SMIM14: variants seen among roughly 807,000 people sequenced by gnomAD.
SMIM14 encodes small integral membrane protein 14.
Under a neutral mutation model 12.6 loss-of-function variants are expected in SMIM14, and 5 were observed. The observed-to-expected ratio is 0.40, with a 90% CI of 0.21 to 0.83. The LOEUF (loss-of-function observed/expected upper bound fraction) is 0.83, where lower values mean the gene tolerates loss of function less well. Ranked by LOEUF, SMIM14 falls within the 40% of genes least tolerant of loss-of-function variation. The probability of loss-of-function intolerance (pLI) is 0.37; values close to 1 mark genes in which losing one functional copy is unlikely to be tolerated. For missense variants in SMIM14, 86 were observed against 119.1 expected, an observed-to-expected ratio of 0.72 and a Z score of 1.29; for synonymous variants, 30 against 40.1, an observed-to-expected ratio of 0.75 and a Z score of 0.95.
intron 3 of SMIM14, among the ~76,000 whole-genome samples, chr4:39,572,213 C>T (rs944293742): frequency 4.0e-5 from 6 of 148,390 alleles, no homozygotes; most frequent in African/African-American, 1.5e-4. Flanking sequence ...AAATACATTA[C>T]TGAGAACCAT....
At chr4:39,619,596 AATTT>A (rs1282179034) in intron 1 of SMIM14, among the ~76,000 whole-genome samples, 5 of 87,616 alleles carry the variant, frequency 5.7e-5, no homozygotes, top group African/African-American at 2.4e-4. Flanking sequence ...CAATAAATAT[AATTT>A]ATTCTATATA....
Position 39,592,218 on chromosome 4 carries a change from TAGATAGATAGAC to T in SMIM14, c.75+12841_75+12852del, listed in dbSNP as rs1296015798. ...TTAAAATAAAAATAAAGGAAAAATA[TAGATAGATAGAC>T]AGATAGATAGATAGTCACAGAGATG... On this transcript the variant is annotated intron_variant, in intron 2 of 4. Coordinates refer to ENST00000295958, the MANE Select transcript of SMIM14 (RefSeq NM_174921.3). Among the ~76,000 whole-genome samples, 22 of 150,570 alleles carry T rather than the reference TAGATAGATAGAC, an allele frequency of 1.5e-4. No individual in the cohort carries two copies. The East Asian group carries it at 4.3e-3, about 29-fold the overall frequency.
At chr4:39,637,942 G>C (rs1716161679) in intron 1 of SMIM14, among the ~76,000 whole-genome samples, 1 of 152,174 alleles carries the variant, frequency 6.6e-6, no homozygotes, top group Admixed American at 6.5e-5. Context: ...CGATGCAAAA[G>C]TAACACATTC....
intron 2 of SMIM14, among the ~76,000 whole-genome samples, chr4:39,582,953 C>T (rs1272458247): frequency 1.3e-5 from 2 of 151,962 alleles, no homozygotes; most frequent in African/African-American, 2.4e-5. Flanking sequence ...CCATCACACC[C>T]GGCTAATTTT....
At chr4:39,573,148 T>C (rs959161189) in intron 2 of SMIM14, among the ~76,000 whole-genome samples, 2 of 151,936 alleles carry the variant, frequency 1.3e-5, no homozygotes, top group South Asian at 2.1e-4. Flanking sequence ...CAGGCTGGAG[T>C]GCAATGATGC....
At chr4:39,636,412 C>A (rs868513926) in intron 1 of SMIM14, among the ~76,000 whole-genome samples, 1 of 152,150 alleles carries the variant, frequency 6.6e-6, no homozygotes, top group Non-Finnish European at 1.5e-5. Flanking sequence ...CTTTGCCACA[C>A]AATGCATATT....
intron 1 of SMIM14, among the ~76,000 whole-genome samples, chr4:39,625,361 C>G (rs1382369313): frequency 6.6e-6 from 1 of 151,978 alleles, no homozygotes; most frequent in African/African-American, 2.4e-5. Context: ...TGAAATAAAC[C>G]CCATTACATG....
Position 39,558,964 on chromosome 4 carries a change from T to A in SMIM14, c.125-2394A>T, listed in dbSNP as rs1202055378. 2.0e-5 allele frequency among the ~76,000 whole-genome samples: 3 copies of A among 152,308 alleles called. No individual in the cohort carries two copies. The East Asian group carries it at 5.8e-4, about 29-fold the overall frequency. ...ACCTCGTGATCTGCCTGCTTCGGCC[T>A]CCCAAAGTGCTGGGATTACAGGCAT... is the stretch of plus-strand genomic sequence containing the variant. On this transcript the variant is annotated intron_variant, in intron 3 of 4. Transcript: ENST00000295958. The surrounding 1 kb of genome is among the most constrained non-coding windows in gnomAD (Gnocchi z 4.3).
chr4:39,628,129 A>C (rs926085331), intron 1 of SMIM14, among the ~76,000 whole-genome samples: 5 of 151,920 alleles, frequency 3.3e-5, no homozygotes, highest in Non-Finnish European at 7.4e-5. Context: ...CAACATGGTG[A>C]AACGCCGCCT....
intron 1 of SMIM14, among the ~76,000 whole-genome samples, chr4:39,633,238 GAGC>G: frequency 6.6e-6 from 1 of 152,030 alleles, no homozygotes; most frequent in African/African-American, 2.4e-5. Context: ...AGGTTACAGT[GAGC>G]CGAGATCACC....
intron 1 of SMIM14, among the ~76,000 whole-genome samples, chr4:39,621,613 A>C (rs1181998812): frequency 2.0e-5 from 3 of 152,104 alleles, no homozygotes; most frequent in Non-Finnish European, 4.4e-5. Flanking sequence ...AATGGGGATG[A>C]TCTAAATATC....
rs200190749 is a variant in SMIM14, at chr4:39,576,677, TATATATA to T, written c.76-4221_76-4215del. On this transcript the variant is annotated intron_variant, in intron 2 of 4. Transcript: ENST00000295958. ...GTGTATGTGTATATATATATATATA[TATATATA>T]TTTTTTTTTTTTTTTTTTTTTTTTT... Among the ~76,000 whole-genome samples, 238 of 34,534 alleles carry T rather than the reference TATATATA, an allele frequency of 6.9e-3. 1 individual carries two copies. Among genetic ancestry groups the T allele is most frequent in the African/African-American group, 0.022 (205 of 9,194 alleles). 22.7% of individuals were successfully genotyped at this position (34,534 alleles called of 152,430 possible). A position where few individuals can be genotyped will look rare whatever the true frequency, so the allele number is the denominator to read the frequency against.
At position 39,638,550 on chromosome 4, in the gene SMIM14, G is replaced by A. The variant is rs376506527; in HGVS notation, c.-36+189C>T. ...TTGCAGGCTCTTCGCGGGGGACGCG[G>A]GCTCGGCAGCAGCGGAGCTTCTCCC... On this transcript the variant is annotated intron_variant, in intron 1 of 4. Coordinates refer to ENST00000295958, the MANE Select transcript of SMIM14 (RefSeq NM_174921.3). 2.3e-4 allele frequency: 222 copies of A among 985,210 alleles called. 1 individual carries two copies. In the African/African-American group the frequency reaches 3.6e-3, roughly 16 times the overall value. The allele number at this position is 985,210 out of a possible 1,614,324, so 61.0% of individuals were successfully genotyped here.
At chr4:39,583,164 C>G (rs1312541975) in intron 2 of SMIM14, among the ~76,000 whole-genome samples, 1 of 152,124 alleles carries the variant, frequency 6.6e-6, no homozygotes, top group Non-Finnish European at 1.5e-5. Flanking sequence ...TCATGGCTCA[C>G]TGCAGCCTCG....
intron 2 of SMIM14, among the ~76,000 whole-genome samples, chr4:39,577,984 T>C (rs1008124625): frequency 2.0e-5 from 3 of 152,192 alleles, no homozygotes; most frequent in Non-Finnish European, 2.9e-5. Flanking sequence ...ACCACAACCA[T>C]ATTCCTAGTC....
rs1360708218 is a variant in SMIM14, at chr4:39,558,290, C to G, written c.125-1720G>C. ...ATTGCTTGAGCTCAGGAATTCGAGA[C>G]CAGCCTGGGCGATATGGTGAAACCC... On this transcript the variant is annotated intron_variant, in intron 3 of 4. Coordinates refer to ENST00000295958, the MANE Select transcript of SMIM14 (RefSeq NM_174921.3). This position sits in a 1 kb window ranked among gnomAD's most constrained non-coding sequence, Gnocchi z 4.3. 6.6e-6 allele frequency among the ~76,000 whole-genome samples: 1 copy of G among 152,188 alleles called. No individual in the cohort carries two copies. Among genetic ancestry groups the G allele is most frequent in the Non-Finnish European group, 1.5e-5 (1 of 68,038 alleles).
rs1351946858 is a variant in SMIM14 at position 39,558,899 on chromosome 4, G to A, written c.125-2329C>T. On this transcript the variant is annotated intron_variant, in intron 3 of 4. Transcript: ENST00000295958. The surrounding 1 kb of genome is among the most constrained non-coding windows in gnomAD (Gnocchi z 4.3). ...AACTTTTTGTATCTTTAGTAGAGAT[G>A]GGGTTTCACCATGTTGGCCAGGCTG... Among the ~76,000 whole-genome samples the A allele has an allele frequency of 6.6e-6, 1 of 151,994 alleles. No homozygotes were observed. Among genetic ancestry groups the A allele is most frequent in the African/African-American group, 2.4e-5 (1 of 41,372 alleles).
chr4:39,599,904 A>C (rs191676519), intron 2 of SMIM14, among the ~76,000 whole-genome samples: 221 of 151,002 alleles, frequency 1.5e-3, no homozygotes, highest in African/African-American at 5.2e-3. Flanking sequence ...CCTGAACAAC[A>C]GAGTGAGACT....
intron 3 of SMIM14, among the ~76,000 whole-genome samples, 186 bp downstream of exon 3, chr4:39,572,229 T>C (rs1712926968): frequency 6.6e-6 from 1 of 151,464 alleles, no homozygotes; most frequent in Non-Finnish European, 1.5e-5. Flanking sequence ...ACCATTTTCT[T>C]ATTAAAGAGC....
Sources: gnomAD v4.1 joint callset for allele counts (sites outside exome capture counted in the v4.1 genomes callset) on GRCh38, gnomAD v4.1.1 for gene constraint, Gnocchi (gnomAD v3.1) non-coding constraint, MANE v1.5 for transcripts, NCBI Gene and HGNC (gene_info 2026-07-23, HGNC 2026-07-21) for gene names.